Variants in BAG4 observed in about 807,000 individuals in gnomAD.
BAG4 encodes BAG cochaperone 4.
A neutral mutation model predicts 52.1 loss-of-function variants in BAG4; 28 were observed. The ratio of observed to expected loss-of-function variants is 0.54; its 90% CI spans 0.40 to 0.74. The LOEUF (loss-of-function observed/expected upper bound fraction) is 0.74, where lower values mean the gene tolerates loss of function less well. BAG4 is among the 30% of genes least tolerant of loss of function. The probability of loss-of-function intolerance (pLI) is 0.00; values close to 1 mark genes in which losing one functional copy is unlikely to be tolerated. For missense variants in BAG4, 525 were observed against 572.0 expected, an observed-to-expected ratio of 0.92 and a Z score of 0.84; for synonymous variants, 208 against 217.0, an observed-to-expected ratio of 0.96 and a Z score of 0.37.
At chr8:38,183,075 C>T (rs1350395819) in intron 1 of BAG4, among the ~76,000 whole-genome samples, 18 of 121,834 alleles carry the variant, frequency 1.5e-4, no homozygotes, top group East Asian at 8.1e-4. Context: ...GACAGAGTCT[C>T]TCTTTGTCGC....
In BAG4 at chr8:38,211,581, G is replaced by C. The variant is rs533402086; in HGVS notation, c.*1088G>C. 1 of 151,898 alleles carries C rather than the reference G, an allele frequency of 6.6e-6. No homozygotes were observed. The highest frequency in any genetic ancestry group is 1.5e-5 in the Non-Finnish European group (1 of 67,908). The allele number at this position is 151,898 out of a possible 1,614,324, so 9.4% of individuals were successfully genotyped here. A position where few individuals can be genotyped will look rare whatever the true frequency, so the allele number is the denominator to read the frequency against. On this transcript the variant is annotated 3_prime_UTR_variant, in exon 5 of 5. Transcript: ENST00000287322. ...TGAGCAGATTTCAGCTCAGTTTATAGTTAAAAACAATGAGGGTAAAATGGG... is the reference window on the plus strand; with the variant it reads ...TGAGCAGATTTCAGCTCAGTTTATACTTAAAAACAATGAGGGTAAAATGGG...
chr8:38,209,144 T>A lies in BAG4; in HGVS notation c.765T>A (p.Tyr255Ter). Reference sequence around the variant, plus strand: ...GTGCTTATGGAATGGGTGGCCGTTATCCCTGGCCTTCATCAGCGCCCTCAG... The same window carrying A: ...GTGCTTATGGAATGGGTGGCCGTTAACCCTGGCCTTCATCAGCGCCCTCAG... Reference protein sequence around the residue: ...SPGAYGMGGRYPWPSSAPSAP... With the variant: ...SPGAYGMGGR The change falls in exon 4 of 5, where the codon TAT becomes TAA. Residue 255 changes from tyrosine to a stop codon, truncating the protein, a stop_gained. Transcript: ENST00000287322. LOFTEE classifies it high-confidence loss of function. The A allele has an allele frequency of 6.2e-7, 1 of 1,614,136 alleles. No individual in the cohort carries two copies. The highest frequency in any genetic ancestry group is 8.5e-7 in the Non-Finnish European group (1 of 1,180,028).
chr8:38,197,115 T>G (rs1803575202), intron 2 of BAG4, among the ~76,000 whole-genome samples: 2 of 152,102 alleles, frequency 1.3e-5, no homozygotes, highest in Admixed American at 1.3e-4. Flanking sequence ...ATTTTAAAAT[T>G]GGGTTGTCTT....
In BAG4 at chr8:38,211,635, A is replaced by G. The variant is rs1803870935; in HGVS notation, c.*1142A>G. On this transcript the variant is annotated 3_prime_UTR_variant, in exon 5 of 5. Transcript: ENST00000287322. ...CATGCTCAGGGAATGAATCAGCCAT[A>G]GTTAGAGTGGGAAATTATTATTTTC... 1.3e-5 allele frequency: 2 copies of G among 152,090 alleles called. No individual in the cohort carries two copies. Among genetic ancestry groups the G allele is most frequent in the Admixed American group, 1.3e-4 (2 of 15,262 alleles). The allele number at this position is 152,090 out of a possible 1,614,324, so 9.4% of individuals were successfully genotyped here. A position where few individuals can be genotyped will look rare whatever the true frequency, so the allele number is the denominator to read the frequency against.
At chr8:38,208,437 G>A (rs1803811876) in intron 3 of BAG4, among the ~76,000 whole-genome samples, 1 of 150,300 alleles carries the variant, frequency 6.7e-6, no homozygotes, top group South Asian at 2.1e-4. Flanking sequence ...AGCCTCCCGA[G>A]TAGCTGGGAC....
intron 2 of BAG4, among the ~76,000 whole-genome samples, chr8:38,195,810 A>T (rs1803552170): frequency 6.6e-6 from 1 of 152,196 alleles, no homozygotes; most frequent in Non-Finnish European, 1.5e-5. Flanking sequence ...TGTACAATTC[A>T]TTTGGTTTTT....
At chr8:38,203,807 C>A (rs1288874128) in intron 2 of BAG4, among the ~76,000 whole-genome samples, 1 of 149,352 alleles carries the variant, frequency 6.7e-6, no homozygotes, top group Non-Finnish European at 1.5e-5. Flanking sequence ...TGTACTCTAG[C>A]CTGGGTGACA....
chr8:38,192,848 T>C, intron 2 of BAG4, 53 bp downstream of exon 2: 1 of 1,401,342 alleles, frequency 7.1e-7, no homozygotes. Context: ...AATAGATTTA[T>C]TTTCAAAACC....
intron 1 of BAG4, among the ~76,000 whole-genome samples, chr8:38,187,294 G>A (rs1003905279): frequency 6.6e-6 from 1 of 152,154 alleles, no homozygotes; most frequent in South Asian, 2.1e-4. Context: ...AAATTCTGGA[G>A]TTGAAAAGTA....
intron 1 of BAG4, among the ~76,000 whole-genome samples, chr8:38,188,518 AT>A (rs1803406030): frequency 6.6e-6 from 1 of 151,746 alleles, no homozygotes; most frequent in African/African-American, 2.4e-5. Context: ...TATCCCAAAA[AT>A]ATGTACTACT....
chr8:38,197,616 T>C (rs1229707156), intron 2 of BAG4, among the ~76,000 whole-genome samples: 1 of 152,216 alleles, frequency 6.6e-6, no homozygotes. Flanking sequence ...TTATAAGCAT[T>C]GTACACTTAG....
chr8:38,210,530 T>G lies in BAG4; in HGVS notation c.*37T>G, dbSNP rs572774512. 55 of 1,526,150 alleles carry G rather than the reference T, an allele frequency of 3.6e-5. No individual in the cohort carries two copies. In the South Asian group the frequency reaches 6.7e-4, roughly 18 times the overall value. 94.5% of individuals were successfully genotyped at this position (1,526,150 alleles called of 1,614,324 possible). ...ACAAAGTGGAAGCCTGTTACTAACT[T>G]GACCAAAGAACACTTGATTTGGTTA... On this transcript the variant is annotated 3_prime_UTR_variant, in exon 5 of 5. Coordinates refer to ENST00000287322, the MANE Select transcript of BAG4 (RefSeq NM_004874.4).
intron 2 of BAG4, among the ~76,000 whole-genome samples, chr8:38,205,202 ATTTTTTTTTT>A (rs35284937): frequency 2.4e-4 from 19 of 79,316 alleles, no homozygotes; most frequent in Admixed American, 5.8e-4. Flanking sequence ...CAGCTAATTA[ATTTTTTTTTT>A]TTTTTTTTTT....
At position 38,207,526 on chromosome 8, in the gene BAG4, T is replaced by C. The variant is rs755027611; in HGVS notation, c.393T>C (p.Tyr131=). 1.9e-6 allele frequency: 3 copies of C among 1,610,976 alleles called. No individual in the cohort carries two copies. Among genetic ancestry groups the C allele is most frequent in the Admixed American group, 1.7e-5 (1 of 59,538 alleles). ...PELQGQSLNS[Y]TNGAYGPTYP... is the part of the protein sequence containing the mutation. ...GTTTTTTTCAGAGTTTGAATTCTTA[T>C]ACAAATGGAGCGTATGGTCCAACAT... Residue 131 remains tyrosine (Y), a synonymous_variant, in exon 3 of 5, where the codon TAT becomes TAC. Transcript: ENST00000287322.
intron 3 of BAG4, 92 bp from the exon 4 acceptor site, chr8:38,208,920 GA>G (rs1803820592): frequency 9.2e-6 from 13 of 1,406,924 alleles, no homozygotes; most frequent in African/African-American, 1.4e-5. Context: ...ACTCTGTTAA[GA>G]AGAGAGGAAG....
chr8:38,210,693 A>G lies in BAG4; in HGVS notation c.*200A>G. On this transcript the variant is annotated 3_prime_UTR_variant, in exon 5 of 5. Transcript: ENST00000287322. ...GTTGTTTTCAGTTTTCAGACGAATG[A>G]ATGTAATAGGAAACTATGGAGTTAC... 3.1e-6 allele frequency: 2 copies of G among 645,654 alleles called. No homozygotes were observed. The highest frequency in any genetic ancestry group is 4.7e-6 in the Non-Finnish European group (2 of 424,912). 40.0% of individuals were successfully genotyped at this position (645,654 alleles called of 1,614,324 possible).
chr8:38,179,199 G>A (rs1255281111), intron 1 of BAG4, among the ~76,000 whole-genome samples: 1 of 151,746 alleles, frequency 6.6e-6, no homozygotes, highest in African/African-American at 2.4e-5. Flanking sequence ...TTGCTCTGTC[G>A]CCCAGGCTGG....
At chr8:38,188,121 A>G (rs1275704092) in intron 1 of BAG4, among the ~76,000 whole-genome samples, 1 of 151,908 alleles carries the variant, frequency 6.6e-6, no homozygotes, top group Non-Finnish European at 1.5e-5. Flanking sequence ...AAGTATAATC[A>G]TTAAGTTATA....
chr8:38,178,343 C>G (rs1449016483), intron 1 of BAG4, among the ~76,000 whole-genome samples: 1 of 152,110 alleles, frequency 6.6e-6, no homozygotes, highest in South Asian at 2.1e-4. Flanking sequence ...TTAGTACAGA[C>G]GGGGTTTCGC....
Sources: gnomAD v4.1 joint callset for allele counts (sites outside exome capture counted in the v4.1 genomes callset) on GRCh38, gnomAD v4.1.1 for gene constraint, MANE v1.5 for transcripts, NCBI Gene and HGNC (gene_info 2026-07-23, HGNC 2026-07-21) for gene names.